The following OR2T33 variants were observed in gnomAD, a reference collection of about 807,000 sequenced individuals.
OR2T33 encodes the protein olfactory receptor 2T33.
OR2T33 carries 10 observed loss-of-function variants against 14.0 expected under a neutral mutation model. The observed-to-expected ratio is 0.72, with a 90% CI of 0.44 to 1.22. The LOEUF is 1.22. Ranked by LOEUF, OR2T33 falls within the 50% of genes most tolerant of loss-of-function variation. The probability of loss-of-function intolerance (pLI) is 0.00; values close to 1 mark genes in which losing one functional copy is unlikely to be tolerated. For synonymous variants in OR2T33, 103 were observed against 159.4 expected (o/e 0.65, Z 2.66); for missense variants, 276 against 405.9 (o/e 0.68, Z 2.75).
At chr1:248,275,480 T>C (rs1659437404) in intron 1 of OR2T33, among the ~76,000 whole-genome samples, 1 of 152,338 alleles carries the variant, frequency 6.6e-6, no homozygotes, top group African/African-American at 2.4e-5. Context: ...CACAGCCCAC[T>C]GACTCCTTGA....
rs1659387273 is a variant in OR2T33, at chr1:248,272,707, T to C, written c.*145A>G. 1 of 1,090,732 alleles carries C rather than the reference T, an allele frequency of 9.2e-7. No individual in the cohort carries two copies. Among genetic ancestry groups the C allele is most frequent in the East Asian group, 2.5e-5 (1 of 40,478 alleles). 67.6% of individuals were successfully genotyped at this position (1,090,732 alleles called of 1,614,324 possible). ...AAATGCTAAAAATGGTATCTCTCAA[T>C]ACAATTAGCTCACTTAATTCTTAAA... is the stretch of plus-strand genomic sequence containing the variant. On this transcript the variant is annotated 3_prime_UTR_variant, in exon 2 of 2. Transcript: ENST00000641220.
Position 248,273,058 on chromosome 1 carries a change from C to A in OR2T33, c.757G>T (p.Ala253Ser), listed in dbSNP as rs1659395480. Residue 253 changes from alanine to serine, a missense_variant, in exon 2 of 2, where the codon GCC (alanine) becomes TCC (serine). Transcript: ENST00000641220. ...TTGGGTCTCATATAGGTAAAAATGG[C>A]AGCTCCATAAAAGAGTCCCACCACA... ...VAVVGLFYGA[A>S]IFTYMRPKSH... is the part of the protein sequence containing the mutation. The A allele has an allele frequency of 5.0e-6, 8 of 1,613,506 alleles. No homozygotes were observed. Among genetic ancestry groups the A allele is most frequent in the Non-Finnish European group, 5.9e-6 (7 of 1,179,886 alleles).
rs1469002074 is a variant in OR2T33 at position 248,270,827 on chromosome 1, T to A, written c.*2025A>T. The A allele has an allele frequency of 6.6e-6, 1 of 152,102 alleles. No individual in the cohort carries two copies. Among genetic ancestry groups the A allele is most frequent in the African/African-American group, 2.4e-5 (1 of 41,416 alleles). 9.4% of individuals were successfully genotyped at this position (152,102 alleles called of 1,614,324 possible). A position where few individuals can be genotyped will look rare whatever the true frequency, so the allele number is the denominator to read the frequency against. ...ATCAAAATCTCTGCTCTGAAAAATA[T>A]ACCATTAAAATAACAAACAGGCTAG... On this transcript the variant is annotated 3_prime_UTR_variant, in exon 2 of 2. Coordinates refer to ENST00000641220, the MANE Select transcript of OR2T33 (RefSeq NM_001004695.2).
intron 1 of OR2T33, among the ~76,000 whole-genome samples, chr1:248,275,748 A>AC (rs1659440293): frequency 1.3e-5 from 2 of 151,638 alleles, no homozygotes; most frequent in East Asian, 3.9e-4. Context: ...AAAAAAAAAA[A>AC]TCACCTGTGT....
At chr1:248,274,088 C>T (rs1459834336) in intron 1 of OR2T33, among the ~76,000 whole-genome samples, 2 of 152,040 alleles carry the variant, frequency 1.3e-5, no homozygotes, top group African/African-American at 2.4e-5. Flanking sequence ...TTTTTCAACT[C>T]TCAAGAATTA....
Position 248,273,780 on chromosome 1 carries a change from A to G in OR2T33, c.35T>C (p.Leu12Pro). 1 of 1,613,118 alleles carries G rather than the reference A, an allele frequency of 6.2e-7. No individual in the cohort carries two copies. The highest frequency in any genetic ancestry group is 8.5e-7 in the Non-Finnish European group (1 of 1,179,230). ...TCTGGTGTGGTTAAAGAGTCCTAGGAGAATAAAATCTGGGGTAGTATTTCT... is the reference window on the plus strand; with the variant it reads ...TCTGGTGTGGTTAAAGAGTCCTAGGGGAATAAAATCTGGGGTAGTATTTCT... ...EMRNTTPDFI[L>P]LGLFNHTRAH... Residue 12 changes from leucine (L) to proline (P), a missense_variant, in exon 2 of 2, where the codon CTC (leucine) becomes CCC (proline). By Grantham distance (98) the Leu-to-Pro change is moderately conservative (BLOSUM62 -3). Coordinates refer to ENST00000641220, the MANE Select transcript of OR2T33 (RefSeq NM_001004695.2).
At chr1:248,277,438 A>G (rs1213023683) in intron 1 of OR2T33, among the ~76,000 whole-genome samples, 3 of 152,160 alleles carry the variant, frequency 2.0e-5, no homozygotes, top group Admixed American at 2.0e-4. Flanking sequence ...CTATTGATAT[A>G]ACATGGGGAA....
rs74465689 is a variant in OR2T33, at chr1:248,272,925, C to T, written c.890G>A (p.Gly297Glu). Reference sequence around the variant, plus strand: ...CGTCCCCAGCCACCGTTTCAGGGCTCCCTTCACCTCACTGTTCTTCACACT... The same window carrying T: ...CGTCCCCAGCCACCGTTTCAGGGCTTCCTTCACCTCACTGTTCTTCACACT... ...IYSVKNSEVK[G>E]ALKRWLGTCV... Residue 297 changes from glycine to glutamate, a missense_variant, in exon 2 of 2, where the codon GGA becomes GAA. Coordinates refer to ENST00000641220, the MANE Select transcript of OR2T33 (RefSeq NM_001004695.2). 1.6e-4 allele frequency: 257 copies of T among 1,613,690 alleles called. No homozygotes were observed. The highest frequency in any genetic ancestry group is 2.0e-4 in the Non-Finnish European group (240 of 1,179,762).
At position 248,275,035 on chromosome 1, in the gene OR2T33, C is replaced by T. The variant is rs140452998; in HGVS notation, c.-8-1213G>A. ...ACTCCATACAAAGAAGAGAACTTGT[C>T]AACTCATAAAGAGAAGAGCACAAAG... On this transcript the variant is annotated intron_variant, in intron 1 of 1. Coordinates refer to ENST00000641220, the MANE Select transcript of OR2T33 (RefSeq NM_001004695.2). Among the ~76,000 whole-genome samples, 4 of 152,250 alleles carry T rather than the reference C, an allele frequency of 2.6e-5. No homozygotes were observed. The East Asian group carries it at 7.7e-4, about 29-fold the overall frequency.
chr1:248,275,364 G>T (rs762447180), intron 1 of OR2T33, among the ~76,000 whole-genome samples: 43 of 152,310 alleles, frequency 2.8e-4, no homozygotes, highest in Middle Eastern at 6.8e-3. Flanking sequence ...CACTACATGT[G>T]CCAAGCCTGT....
At position 248,276,368 on chromosome 1, in the gene OR2T33, C is replaced by T. The variant is rs138705183; in HGVS notation, c.-9+1397G>A. ...GTTTTTTTAATGTCATATTGCACAC[C>T]AAAACAAAATTTTAATTTTTAATTT... On this transcript the variant is annotated intron_variant, in intron 1 of 1. Transcript: ENST00000641220. Among the ~76,000 whole-genome samples the T allele has an allele frequency of 4.1e-4, 62 of 152,036 alleles. 3 individuals carry two copies. In the East Asian group the frequency reaches 5.8e-3, roughly 14 times the overall value.
At chr1:248,277,685 C>T (rs1258882290) in intron 1 of OR2T33, 80 bp downstream of exon 1, 1 of 151,792 alleles carries the variant, frequency 6.6e-6, no homozygotes, top group Non-Finnish European at 1.5e-5. Context: ...TGTAGAATGC[C>T]AAATACATAA....
At position 248,272,802 on chromosome 1, in the gene OR2T33, T is replaced by C; in HGVS notation, c.*50A>G. 6.5e-7 allele frequency: 1 copy of C among 1,543,672 alleles called. No individual in the cohort carries two copies. The highest frequency in any genetic ancestry group is 8.7e-7 in the Non-Finnish European group (1 of 1,149,630). ...AATTGCTAAAGGGAGAGAATAACAATGTGTTAAAATATTAATAAATTCAGG... is the reference window on the plus strand; with the variant it reads ...AATTGCTAAAGGGAGAGAATAACAACGTGTTAAAATATTAATAAATTCAGG... On this transcript the variant is annotated 3_prime_UTR_variant, in exon 2 of 2. Coordinates refer to ENST00000641220, the MANE Select transcript of OR2T33 (RefSeq NM_001004695.2).
At position 248,272,574 on chromosome 1, in the gene OR2T33, T is replaced by C; in HGVS notation, c.*278A>G. ...CAATATTTACCTTTCCATGCATTAA[T>C]TTCTTTTTTTAGAAAGTAGGAGATA... On this transcript the variant is annotated 3_prime_UTR_variant, in exon 2 of 2. Coordinates refer to ENST00000641220, the MANE Select transcript of OR2T33 (RefSeq NM_001004695.2). 2.8e-6 allele frequency: 1 copy of C among 355,558 alleles called. No homozygotes were observed. The highest frequency in any genetic ancestry group is 5.0e-6 in the Non-Finnish European group (1 of 199,764). The allele number at this position is 355,558 out of a possible 1,614,324, so 22.0% of individuals were successfully genotyped here.
Position 248,271,749 on chromosome 1 carries a change from T to G in OR2T33, c.*1103A>C, listed in dbSNP as rs969195215. 2.6e-5 allele frequency: 4 copies of G among 152,216 alleles called. No homozygotes were observed. Among genetic ancestry groups the G allele is most frequent in the African/African-American group, 9.6e-5 (4 of 41,456 alleles). The allele number at this position is 152,216 out of a possible 1,614,324, so 9.4% of individuals were successfully genotyped here. ...CCCACTGTGTGTTTAAAACTTATATTATTTCTTAAGTGTGTTTTACATACA... is the reference window on the plus strand; with the variant it reads ...CCCACTGTGTGTTTAAAACTTATATGATTTCTTAAGTGTGTTTTACATACA... On this transcript the variant is annotated 3_prime_UTR_variant, in exon 2 of 2. Transcript: ENST00000641220.
rs1339912703 is a variant in OR2T33, at chr1:248,270,899, A to G, written c.*1953T>C. 6.6e-6 allele frequency: 1 copy of G among 152,160 alleles called. No individual in the cohort carries two copies. Among genetic ancestry groups the G allele is most frequent in the Non-Finnish European group, 1.5e-5 (1 of 68,026 alleles). 9.4% of individuals were successfully genotyped at this position (152,160 alleles called of 1,614,324 possible). ...TTATAGTACAGATGTTTGACAAAATACTTTTGTCCAGAATAAATAAAAAAT... is the reference window on the plus strand; with the variant it reads ...TTATAGTACAGATGTTTGACAAAATGCTTTTGTCCAGAATAAATAAAAAAT... On this transcript the variant is annotated 3_prime_UTR_variant, in exon 2 of 2. Transcript: ENST00000641220.
intron 1 of OR2T33, among the ~76,000 whole-genome samples, chr1:248,276,350 T>A (rs533991515): frequency 6.6e-6 from 1 of 152,220 alleles, no homozygotes; most frequent in Non-Finnish European, 1.5e-5. Context: ...ATAGTTTTTT[T>A]AATGTCATAT....
rs990174357 is a variant in OR2T33 at position 248,270,739 on chromosome 1, G to A, written c.*2113C>T. 1.3e-3 allele frequency: 203 copies of A among 152,158 alleles called. 2 individuals are homozygous for A. The highest frequency in any genetic ancestry group is 4.7e-3 in the African/African-American group (197 of 41,514). 9.4% of individuals were successfully genotyped at this position (152,158 alleles called of 1,614,324 possible). ...TCTTGAAGTATATAATTTTTATAGA[G>A]ATAATACATAAGAAACACCCACTAA... On this transcript the variant is annotated 3_prime_UTR_variant, in exon 2 of 2. Coordinates refer to ENST00000641220, the MANE Select transcript of OR2T33 (RefSeq NM_001004695.2).
chr1:248,270,162 C>G lies in OR2T33; in HGVS notation c.*2690G>C, dbSNP rs1558269406. ...GAAACCATCATTCTCAGCAAACTAT[C>G]GCAAGGACAAAAAACCAAACACAGC... is the stretch of plus-strand genomic sequence containing the variant. On this transcript the variant is annotated 3_prime_UTR_variant, in exon 2 of 2. Coordinates refer to ENST00000641220, the MANE Select transcript of OR2T33 (RefSeq NM_001004695.2). 1 of 152,012 alleles carries G rather than the reference C, an allele frequency of 6.6e-6. No homozygotes were observed. The highest frequency in any genetic ancestry group is 6.6e-5 in the Admixed American group (1 of 15,246). The allele number at this position is 152,012 out of a possible 1,614,324, so 9.4% of individuals were successfully genotyped here. A position where few individuals can be genotyped will look rare whatever the true frequency, so the allele number is the denominator to read the frequency against.
Sources: allele counts gnomAD v4.1 joint callset (sites outside exome capture counted in the v4.1 genomes callset), GRCh38; gene constraint gnomAD v4.1.1; transcripts MANE v1.5; gene names NCBI Gene and HGNC (gene_info 2026-07-23, HGNC 2026-07-21).